The following TBC1D12 variants were observed in gnomAD, a reference collection of about 807,000 sequenced individuals.
TBC1D12 encodes TBC1 domain family, member 12.
A neutral mutation model predicts 86.7 loss-of-function variants in TBC1D12; 56 were observed. The observed-to-expected ratio is 0.65, with a 90% CI of 0.52 to 0.81. The LOEUF is 0.81. Ranked by LOEUF, TBC1D12 falls within the 30% of genes least tolerant of loss-of-function variation. TBC1D12 has a pLI of 0.00. For missense variants in TBC1D12, 1,023 were observed against 1,038.8 expected, an observed-to-expected ratio of 0.98 and a Z score of 0.21; for synonymous variants, 421 against 411.7, an observed-to-expected ratio of 1.02 and a Z score of -0.27.
chr10:94,520,645 C>T (rs1842125108), intron 9 of TBC1D12, among the ~76,000 whole-genome samples: 1 of 152,030 alleles, frequency 6.6e-6, no homozygotes, highest in Admixed American at 6.6e-5. Context: ...GAACAAGAGA[C>T]AGAGTTATCA....
chr10:94,536,300 T>G lies in TBC1D12; in HGVS notation c.*3204T>G, dbSNP rs559341344. ...TATATATTTCTTACTTAATGTTCCT[T>G]TAGTCCAGGTCTACAATGCCTTATT... On this transcript the variant is annotated 3_prime_UTR_variant, in exon 13 of 13. Coordinates refer to ENST00000225235, the MANE Select transcript of TBC1D12 (RefSeq NM_015188.2). 6.6e-6 allele frequency among the ~76,000 whole-genome samples: 1 copy of G among 152,242 alleles called. No homozygotes were observed. The highest frequency in any genetic ancestry group is 2.1e-4 in the South Asian group (1 of 4,822).
At chr10:94,423,825 T>C (rs1045339943) in intron 1 of TBC1D12, among the ~76,000 whole-genome samples, 1 of 152,116 alleles carries the variant, frequency 6.6e-6, no homozygotes, top group African/African-American at 2.4e-5. Context: ...GGCTACTGTT[T>C]CAGAGAAGGA....
intron 2 of TBC1D12, among the ~76,000 whole-genome samples, chr10:94,454,043 T>C (rs892581882): frequency 2.6e-5 from 4 of 152,190 alleles, no homozygotes; most frequent in African/African-American, 9.7e-5. Context: ...TGAATTCGAG[T>C]AGTGTCAACC....
At chr10:94,517,950 C>T (rs1287648447) in intron 9 of TBC1D12, among the ~76,000 whole-genome samples, 19 of 151,980 alleles carry the variant, frequency 1.3e-4, no homozygotes, top group Non-Finnish European at 2.6e-4. Flanking sequence ...GTCAGTAGTT[C>T]GAGACCAGCC....
chr10:94,504,300 T>C (rs977906685), intron 6 of TBC1D12, among the ~76,000 whole-genome samples: 91 of 152,202 alleles, frequency 6.0e-4, no homozygotes, highest in African/African-American at 1.8e-3. Flanking sequence ...ATTGGTTAAA[T>C]TGGTGTTAAC....
intron 1 of TBC1D12, among the ~76,000 whole-genome samples, chr10:94,435,150 G>A (rs911894557): frequency 3.9e-5 from 6 of 152,194 alleles, no homozygotes; most frequent in Non-Finnish European, 8.8e-5. Flanking sequence ...CTTTTGAACA[G>A]TGTTGTCCTG....
At chr10:94,421,237 G>T (rs1048970157) in intron 1 of TBC1D12, among the ~76,000 whole-genome samples, 2 of 151,982 alleles carry the variant, frequency 1.3e-5, no homozygotes, top group African/African-American at 4.8e-5. Context: ...ACTGCTATTA[G>T]TCTGACTTTT....
At chr10:94,474,872 A>C in intron 3 of TBC1D12, 89 bp downstream of exon 3, 2 of 1,162,800 alleles carry the variant, frequency 1.7e-6, no homozygotes, top group East Asian at 2.6e-5. Context: ...AGCGAGAAAG[A>C]TATTGAGAAA....
chr10:94,481,911 G>A (rs893900251), intron 3 of TBC1D12, among the ~76,000 whole-genome samples: 2 of 152,138 alleles, frequency 1.3e-5, no homozygotes, highest in African/African-American at 4.8e-5. Flanking sequence ...CATCGTAAAT[G>A]AGGTGTCCAT....
chr10:94,433,192 T>C (rs962072962), intron 1 of TBC1D12, among the ~76,000 whole-genome samples: 1 of 152,022 alleles, frequency 6.6e-6, no homozygotes, highest in Non-Finnish European at 1.5e-5. Flanking sequence ...AGAGCAAGAC[T>C]TCGTCTCGGA....
intron 6 of TBC1D12, among the ~76,000 whole-genome samples, chr10:94,505,281 T>C (rs1182596878): frequency 1.3e-5 from 2 of 152,186 alleles, no homozygotes; most frequent in Admixed American, 6.5e-5. Context: ...GAGCCAGGCA[T>C]AAATAATAGG....
chr10:94,411,645 C>T (rs968101796), intron 1 of TBC1D12, among the ~76,000 whole-genome samples: 2 of 152,248 alleles, frequency 1.3e-5, no homozygotes, highest in Non-Finnish European at 2.9e-5. Flanking sequence ...ATTCAGGAGA[C>T]CTATTATTTG....
Position 94,402,947 on chromosome 10 carries a change from G to A in TBC1D12, c.334G>A (p.Gly112Ser), listed in dbSNP as rs1470294889. The A allele has an allele frequency of 1.3e-6, 2 of 1,564,012 alleles. No homozygotes were observed. Among genetic ancestry groups the A allele is most frequent in the East Asian group, 5.0e-5 (2 of 40,010 alleles). Residue 112 changes from glycine to serine, a missense_variant, in exon 1 of 13, where the codon GGC (glycine) becomes AGC (serine). By Grantham distance (56) the Gly-to-Ser change is moderately conservative. Around this residue, in one of 2 missense-constraint regions of TBC1D12, gnomAD observed 628 missense variants for 531.1 expected, o/e 1.18. Coordinates refer to ENST00000225235, the MANE Select transcript of TBC1D12 (RefSeq NM_015188.2). The part of the protein sequence containing the change: ...AAPRSDACLL[G>S]SGSKHRGAEV... ...CCCACGATCGGACGCCTGCCTGCTGGGCTCGGGCTCCAAACACCGCGGCGC... is the reference window on the plus strand; with the variant it reads ...CCCACGATCGGACGCCTGCCTGCTGAGCTCGGGCTCCAAACACCGCGGCGC...
intron 1 of TBC1D12, among the ~76,000 whole-genome samples, chr10:94,416,353 T>G (rs1023850328): frequency 6.6e-6 from 1 of 152,244 alleles, no homozygotes; most frequent in Admixed American, 6.5e-5. Context: ...ATTTGGAGCT[T>G]GGTTTTCTCA....
At chr10:94,467,534 G>A (rs533773888) in intron 2 of TBC1D12, among the ~76,000 whole-genome samples, 139 of 152,214 alleles carry the variant, frequency 9.1e-4, no homozygotes, top group African/African-American at 2.7e-3. Context: ...GCCCGGCCCT[G>A]TACTTTTCCT....
At chr10:94,520,904 G>T (rs1416066249) in intron 9 of TBC1D12, among the ~76,000 whole-genome samples, 2 of 152,044 alleles carry the variant, frequency 1.3e-5, no homozygotes, top group Non-Finnish European at 2.9e-5. Context: ...CAGGTGATCC[G>T]CCCGCCTCGG....
Position 94,402,633 on chromosome 10 carries a change from C to T in TBC1D12, c.20C>T (p.Ala7Val). The change falls in exon 1 of 13, where the codon GCC becomes GTC. Residue 7 changes from alanine to valine, a missense_variant. Ala to Val is a moderately conservative substitution (Grantham distance 64). Around this residue, in one of 2 missense-constraint regions of TBC1D12, gnomAD observed 628 missense variants for 531.1 expected, o/e 1.18. Coordinates refer to ENST00000225235, the MANE Select transcript of TBC1D12 (RefSeq NM_015188.2). ...CCCCAGATGGTGGGTCCGGAGGATG[C>T]CGGAGCCTGCTCGGGAAGAAACCCC... Reference protein sequence around the residue: MVGPEDAGACSGRNPKL... With the variant: MVGPEDVGACSGRNPKL... The T allele has an allele frequency of 6.2e-7, 1 of 1,611,758 alleles. No homozygotes were observed. The highest frequency in any genetic ancestry group is 8.5e-7 in the Non-Finnish European group (1 of 1,179,592).
Position 94,453,007 on chromosome 10 carries a change from A to T in TBC1D12, c.1095+10988A>T, listed in dbSNP as rs1014573230. 6.6e-5 allele frequency among the ~76,000 whole-genome samples: 10 copies of T among 152,020 alleles called. No homozygotes were observed. The South Asian group carries it at 2.1e-3, about 32-fold the overall frequency. On this transcript the variant is annotated intron_variant, in intron 2 of 12. Coordinates refer to ENST00000225235, the MANE Select transcript of TBC1D12 (RefSeq NM_015188.2). ...CTGTGTGGTGGTGTCTCATTGTCTT[A>T]ATTTGCAGTTCCCTAATGACATATG...
intron 2 of TBC1D12, among the ~76,000 whole-genome samples, chr10:94,456,073 T>C (rs2055623257): frequency 6.6e-6 from 1 of 152,250 alleles, no homozygotes; most frequent in East Asian, 1.9e-4. Context: ...TTGTTTTCTC[T>C]TAGTTATCAT....
Sources: gnomAD v4.1 joint callset for allele counts (sites outside exome capture counted in the v4.1 genomes callset) on GRCh38, gnomAD v4.1.1 for gene constraint, gnomAD v4.1.1 regional missense constraint, MANE v1.5 for transcripts, NCBI Gene and HGNC (gene_info 2026-07-23, HGNC 2026-07-21) for gene names.